The following RHOA variants were observed in gnomAD, a reference collection of about 807,000 sequenced individuals.
RHOA encodes the protein transforming protein RhoA.
In RHOA, 3 loss-of-function variants were observed where a neutral mutation model predicts 17.5. That is an observed-to-expected ratio of 0.17 (90% CI 0.08 to 0.44). The LOEUF is 0.44. Among genes scored for constraint, RHOA ranks in the 20% least tolerant of loss-of-function variants. RHOA has a pLI of 0.99. For missense variants in RHOA, 56 were observed against 242.3 expected (o/e 0.23, Z 5.10); for synonymous variants, 98 against 88.4 (o/e 1.11, Z -0.61).
chr3:49,389,376 G>A (rs1158288546), intron 1 of RHOA, among the ~76,000 whole-genome samples: 1 of 152,020 alleles, frequency 6.6e-6, no homozygotes, highest in Non-Finnish European at 1.5e-5. Context: ...TCTCCAGGCA[G>A]AACCCAAGAA....
chr3:49,376,798 AT>A (rs1296048550), intron 1 of RHOA, among the ~76,000 whole-genome samples: 6 of 152,046 alleles, frequency 3.9e-5, no homozygotes, highest in African/African-American at 1.4e-4. Flanking sequence ...AAGTTTGGAT[AT>A]TCCTTCTTTT....
rs187514872 is a variant in RHOA at position 49,392,546 on chromosome 3, A to G, written c.-2-16955T>C. 6.6e-5 allele frequency among the ~76,000 whole-genome samples: 10 copies of G among 152,254 alleles called. No homozygotes were observed. The East Asian group carries it at 1.7e-3, about 27-fold the overall frequency. ...TATTGAATAAAAGACAGGTCTTGCC[A>G]TGTTACCCAGACTGGTCTCAAACTC... On this transcript the variant is annotated intron_variant, in intron 1 of 4. Transcript: ENST00000418115.
intron 3 of RHOA, chr3:49,365,131 T>A (rs2048034312): frequency 6.6e-6 from 1 of 151,826 alleles, no homozygotes; most frequent in Non-Finnish European, 1.5e-5. Context: ...TCTTCCCTCA[T>A]CTAGAACAGA....
intron 1 of RHOA, among the ~76,000 whole-genome samples, chr3:49,380,225 A>T (rs1056782043): frequency 1.6e-4 from 25 of 152,210 alleles, no homozygotes; most frequent in Non-Finnish European, 2.9e-4. Flanking sequence ...AATGAATGCC[A>T]TACCGTGGGG....
At chr3:49,399,577 C>CT (rs769088574) in intron 1 of RHOA, among the ~76,000 whole-genome samples, 30,168 of 144,098 alleles carry the variant, frequency 0.21, 3,102 homozygotes, top group Middle Eastern at 0.28. Context: ...TACACAGGAG[C>CT]TTTTTTTTTT....
intron 4 of RHOA, among the ~76,000 whole-genome samples, chr3:49,361,714 C>T (rs1242365056): frequency 6.6e-6 from 1 of 151,514 alleles, no homozygotes; most frequent in Non-Finnish European, 1.5e-5. Context: ...AAACCCGTCT[C>T]TACTAAAAAT....
intron 1 of RHOA, among the ~76,000 whole-genome samples, chr3:49,382,882 C>T (rs1355056048): frequency 6.6e-6 from 1 of 151,254 alleles, no homozygotes; most frequent in Non-Finnish European, 1.5e-5. Flanking sequence ...TGGTGTAACC[C>T]CATATCCACT....
intron 3 of RHOA, chr3:49,366,673 T>C (rs1348660066): frequency 6.6e-6 from 1 of 152,184 alleles, no homozygotes; most frequent in Admixed American, 6.6e-5. Flanking sequence ...ACGTGCTCTT[T>C]CTCTGTCCTG....
chr3:49,380,155 T>C (rs773299803), intron 1 of RHOA, among the ~76,000 whole-genome samples: 14 of 152,160 alleles, frequency 9.2e-5, no homozygotes, highest in Non-Finnish European at 2.1e-4. Context: ...TCCTCCTCCT[T>C]TCCTGCTGCT....
At chr3:49,404,458 A>ACACACACACACACACACACAC (rs10527314) in intron 1 of RHOA, among the ~76,000 whole-genome samples, 107 of 146,712 alleles carry the variant, frequency 7.3e-4, no homozygotes, top group South Asian at 2.0e-3. Context: ...ACACACACAC[A>ACACACACACACACACACACAC]AAATTAGCCG....
intron 2 of RHOA, among the ~76,000 whole-genome samples, chr3:49,375,229 T>C (rs1007523701): frequency 2.6e-5 from 4 of 150,990 alleles, no homozygotes; most frequent in African/African-American, 9.7e-5. Context: ...CACTGCACTC[T>C]AGCCTGGGCA....
In RHOA at chr3:49,368,444, G is replaced by A. The variant is rs2107838376; in HGVS notation, c.261C>T (p.Asp87=). 5 of 1,613,988 alleles carry A rather than the reference G, an allele frequency of 3.1e-6. No homozygotes were observed. The highest frequency in any genetic ancestry group is 3.4e-6 in the Non-Finnish European group (4 of 1,179,916). Residue 87 remains aspartate, a synonymous_variant, in exon 3 of 5, where the codon GAC becomes GAT. Transcript: ENST00000418115. ...TDVILMCFSI[D]SPDSLENIPE... Reference sequence around the variant, plus strand: ...GCCACTCACCTAAACTATCAGGGCTGTCGATGGAAAAACACATCAGTATAA... The same window carrying A: ...GCCACTCACCTAAACTATCAGGGCTATCGATGGAAAAACACATCAGTATAA...
chr3:49,360,283 CCT>C lies in RHOA; in HGVS notation c.506_507del (p.Glu169GlyfsTer3). On this transcript the variant is annotated frameshift_variant, in exon 5 of 5. Transcript: ENST00000418115. LOFTEE classifies it high-confidence loss of function. ...CSAKTKDGVR[E>X]VFEMATRAAL... is the part of the protein sequence containing the mutation. ...GCAGCTCTCGTAGCCATTTCAAAAA[CCT>C]CTCTCACTCCATCTTTGGTCTTTGC... 1 of 1,614,086 alleles carries C rather than the reference CCT, an allele frequency of 6.2e-7. No individual in the cohort carries two copies. Among genetic ancestry groups the C allele is most frequent in the Non-Finnish European group, 8.5e-7 (1 of 1,180,026 alleles).
At chr3:49,408,335 C>T (rs2048874887) in intron 1 of RHOA, among the ~76,000 whole-genome samples, 4 of 151,318 alleles carry the variant, frequency 2.6e-5, no homozygotes, top group Non-Finnish European at 5.9e-5. Flanking sequence ...TATACATACT[C>T]ATCCTCTTCA....
intron 3 of RHOA, among the ~76,000 whole-genome samples, chr3:49,367,358 A>AAAAAAAAAAAAAAAAAAAAAAAAAAAAC (rs1373653063): frequency 6.7e-6 from 1 of 148,304 alleles, no homozygotes; most frequent in East Asian, 2.0e-4. Context: ...AAAAAAAAAA[A>AAAAAAAAAAAAAAAAAAAAAAAAAAAAC]AAAAAAAAGA....
intron 1 of RHOA, among the ~76,000 whole-genome samples, chr3:49,382,182 C>T (rs1290990345): frequency 1.3e-5 from 2 of 150,260 alleles, no homozygotes; most frequent in African/African-American, 2.4e-5. Context: ...AGCCAGGCGT[C>T]GTGAAGGGCG....
At chr3:49,378,240 C>CTTTTT (rs71077802) in intron 1 of RHOA, among the ~76,000 whole-genome samples, 41 of 60,710 alleles carry the variant, frequency 6.8e-4, no homozygotes, top group Middle Eastern at 0.017. Flanking sequence ...ATCCATCTAT[C>CTTTTT]TTTTTTTTTT....
intron 3 of RHOA, 51 bp downstream of exon 3, chr3:49,368,377 G>A (rs2048093199): frequency 6.3e-7 from 1 of 1,585,092 alleles, no homozygotes; most frequent in African/African-American, 1.3e-5. Flanking sequence ...GAAACCAGAT[G>A]CCAACTAGCT....
At chr3:49,372,760 C>T (rs1413407933) in intron 2 of RHOA, among the ~76,000 whole-genome samples, 2 of 143,740 alleles carry the variant, frequency 1.4e-5, no homozygotes, top group South Asian at 4.4e-4. Context: ...AAAAGGACTA[C>T]AAACTATGAA....
Sources: allele counts gnomAD v4.1 joint callset (sites outside exome capture counted in the v4.1 genomes callset), GRCh38; gene constraint gnomAD v4.1.1; transcripts MANE v1.5; gene names NCBI Gene and HGNC (gene_info 2026-07-23, HGNC 2026-07-21).